FAM120C: variants seen among roughly 807,000 people sequenced by gnomAD.
FAM120C encodes constitutive coactivator of PPAR-gamma-like protein 2.
Under a neutral mutation model 71.2 loss-of-function variants are expected in FAM120C, and 14 were observed. That is an observed-to-expected ratio of 0.20 (90% CI 0.13 to 0.31). The LOEUF is 0.31. Among genes scored for constraint, FAM120C ranks in the 10% least tolerant of loss-of-function variants. The pLI, the probability that FAM120C is intolerant of heterozygous loss-of-function variation, is 1.00. For missense variants in FAM120C, 500 were observed against 879.0 expected (o/e 0.57, Z 5.45); for synonymous variants, 354 against 353.2 (o/e 1.00, Z -0.03).
At chrX:54,138,301 A>G (rs2067104302) in intron 4 of FAM120C, among the ~76,000 whole-genome samples, 1 of 107,994 alleles carries the variant, frequency 9.3e-6, no homozygotes, top group African/African-American at 3.4e-5. Context: ...AGGAATTCAG[A>G]CCAGCCTGAG....
intron 10 of FAM120C, among the ~76,000 whole-genome samples, chrX:54,096,696 T>C (rs1334124846): frequency 8.9e-6 from 1 of 111,984 alleles, no homozygotes; most frequent in Non-Finnish European, 1.9e-5. Flanking sequence ...AAAATTCATA[T>C]AATAAAACAT....
intron 13 of FAM120C, among the ~76,000 whole-genome samples, chrX:54,083,323 C>T (rs1557121539): frequency 9.2e-6 from 1 of 108,880 alleles, no homozygotes; most frequent in African/African-American, 3.3e-5. Context: ...TCATTTAGGC[C>T]AGGCATGGTG....
intron 10 of FAM120C, among the ~76,000 whole-genome samples, chrX:54,094,254 C>A (rs782010480): frequency 1.8e-5 from 2 of 108,216 alleles, no homozygotes; most frequent in Non-Finnish European, 3.8e-5. Flanking sequence ...CCTGCCACCA[C>A]GCCTGGCTAA....
chrX:54,117,797 T>A (rs1169381670), intron 9 of FAM120C, among the ~76,000 whole-genome samples: 1 of 111,728 alleles, frequency 9.0e-6, no homozygotes, highest in Non-Finnish European at 1.9e-5. Context: ...TTTCAGTAGA[T>A]GCACCAGGGT....
chrX:54,142,868 CG>C (rs1277285474), intron 4 of FAM120C, among the ~76,000 whole-genome samples: 1 of 111,493 alleles, frequency 9.0e-6, no homozygotes, highest in Non-Finnish European at 1.9e-5. Context: ...CTCATACAGC[CG>C]GGTGCCCCTC....
intron 10 of FAM120C, among the ~76,000 whole-genome samples, chrX:54,109,579 C>T (rs2066924383): frequency 9.3e-6 from 1 of 107,091 alleles, no homozygotes; most frequent in Non-Finnish European, 1.9e-5. Flanking sequence ...CACACCACTG[C>T]ACTCCAGCCT....
chrX:54,112,976 C>G (rs1365249853), intron 10 of FAM120C, among the ~76,000 whole-genome samples: 1 of 110,123 alleles, frequency 9.1e-6, no homozygotes, highest in African/African-American at 3.3e-5. Context: ...GCAGAGATCA[C>G]GCCATTGCAC....
At chrX:54,110,658 G>A (rs1260747881) in intron 10 of FAM120C, among the ~76,000 whole-genome samples, 1 of 110,920 alleles carries the variant, frequency 9.0e-6, no homozygotes, top group Non-Finnish European at 1.9e-5. Context: ...GCTCATGTCT[G>A]TAATCCTAGC....
At chrX:54,116,169 T>C (rs932006689) in intron 10 of FAM120C, among the ~76,000 whole-genome samples, 1 of 111,485 alleles carries the variant, frequency 9.0e-6, no homozygotes, top group Non-Finnish European at 1.9e-5. Context: ...CCATAGAAAA[T>C]ACTATAGGCT....
chrX:54,172,049 TTA>T (rs1213257511), intron 1 of FAM120C: 1 of 112,745 alleles, frequency 8.9e-6, no homozygotes, highest in Non-Finnish European at 1.9e-5. Flanking sequence ...GTCAGCCAGT[TTA>T]TCTCTTGCCA....
chrX:54,144,436 C>A (rs2067143848), intron 4 of FAM120C, among the ~76,000 whole-genome samples: 1 of 112,268 alleles, frequency 8.9e-6, no homozygotes, highest in Non-Finnish European at 1.9e-5. Flanking sequence ...AGCCCAAAAT[C>A]TCCTTAAGCT....
chrX:54,151,201 G>A (rs1557132952), intron 4 of FAM120C, 44 bp downstream of exon 4: 1 of 1,200,639 alleles, frequency 8.3e-7, no homozygotes, highest in South Asian at 1.8e-5. Context: ...TGCTGAAGAA[G>A]GTAAGAAAAC....
At chrX:54,176,116 TTTTTTGG>T (rs1569533994) in intron 1 of FAM120C, among the ~76,000 whole-genome samples, 1 of 111,608 alleles carries the variant, frequency 9.0e-6, no homozygotes. Flanking sequence ...TGTTTTTTTG[TTTTTTGG>T]TTTTTGGCTA....
chrX:54,156,392 G>A (rs1282339221), intron 3 of FAM120C, among the ~76,000 whole-genome samples: 3 of 97,331 alleles, frequency 3.1e-5, no homozygotes, highest in East Asian at 3.2e-4. Flanking sequence ...GTGCGATCTC[G>A]GCTCACTGTA....
At chrX:54,104,588 G>A (rs1407232903) in intron 10 of FAM120C, among the ~76,000 whole-genome samples, 1 of 110,980 alleles carries the variant, frequency 9.0e-6, no homozygotes, top group African/African-American at 3.3e-5. Flanking sequence ...CGGGCAGATC[G>A]CCTGAGGTCA....
chrX:54,183,064 C>A lies in FAM120C; in HGVS notation c.135G>T (p.Pro45=). Residue 45 remains proline, a synonymous_variant, in exon 1 of 16, where the codon CCG becomes CCT. Transcript: ENST00000375180. ...QQQHLHRQLP[P]TAALAPGAPR... ...GAGCCCCGGGCGCTAGGGCTGCAGTCGGCGGCAGCTGGCGGTGCAAGTGCT... is the reference window on the plus strand; with the variant it reads ...GAGCCCCGGGCGCTAGGGCTGCAGTAGGCGGCAGCTGGCGGTGCAAGTGCT... 3.5e-6 allele frequency: 4 copies of A among 1,157,318 alleles called. No individual in the cohort carries two copies. Among genetic ancestry groups the A allele is most frequent in the Non-Finnish European group, 4.6e-6 (4 of 871,712 alleles).
At chrX:54,143,313 T>G (rs2067136527) in intron 4 of FAM120C, among the ~76,000 whole-genome samples, 1 of 107,509 alleles carries the variant, frequency 9.3e-6, no homozygotes, top group South Asian at 4.1e-4. Context: ...ATAACTAAGA[T>G]CAGAGCAGAA....
At chrX:54,106,445 A>C (rs2066907377) in intron 10 of FAM120C, among the ~76,000 whole-genome samples, 1 of 112,154 alleles carries the variant, frequency 8.9e-6, no homozygotes, top group African/African-American at 3.2e-5. Flanking sequence ...AAGACCTAAA[A>C]CCATAAAAAC....
chrX:54,094,949 G>A lies in FAM120C; in HGVS notation c.2313-3523C>T, dbSNP rs1394208722. Among the ~76,000 whole-genome samples the A allele has an allele frequency of 2.8e-5, 3 of 108,285 alleles. No homozygotes were observed. The Admixed American group carries it at 3.0e-4, about 11-fold the overall frequency. 94.0% of individuals were successfully genotyped at this position (108,285 alleles called of 115,157 possible). A position where few individuals can be genotyped will look rare whatever the true frequency, so the allele number is the denominator to read the frequency against. ...CTCATGGCTCATGCCTGTGGTCCCA[G>A]CTACTCAGAAGGCTGAGGTGGGAGA... On this transcript the variant is annotated intron_variant, in intron 10 of 15. Transcript: ENST00000375180.
Sources: gnomAD v4.1 joint callset for allele counts (sites outside exome capture counted in the v4.1 genomes callset) on GRCh38, gnomAD v4.1.1 for gene constraint, MANE v1.5 for transcripts, NCBI Gene and HGNC (gene_info 2026-07-23, HGNC 2026-07-21) for gene names.